BANK1: variants seen among roughly 807,000 people sequenced by gnomAD.
The protein encoded by BANK1 is B-cell scaffold protein with ankyrin repeats.
A neutral mutation model predicts 94.5 loss-of-function variants in BANK1; 95 were observed. That is an observed-to-expected ratio of 1.00 (90% CI 0.85 to 1.19). The LOEUF is 1.19. BANK1 is among the 50% of genes most tolerant of loss of function. The pLI is 0.00. For synonymous variants in BANK1, 334 were observed against 308.4 expected (o/e 1.08, Z -0.87); for missense variants, 987 against 932.2 (o/e 1.06, Z -0.77).
At chr4:101,978,499 C>T (rs1725213355) in intron 7 of BANK1, among the ~76,000 whole-genome samples, 1 of 152,024 alleles carries the variant, frequency 6.6e-6, no homozygotes, top group Admixed American at 6.6e-5. Context: ...AGGTAGTCCC[C>T]TATTCCAATT....
chr4:101,870,865 A>G (rs1194526238), intron 5 of BANK1, among the ~76,000 whole-genome samples: 1 of 152,038 alleles, frequency 6.6e-6, no homozygotes, highest in African/African-American at 2.4e-5. Context: ...AAAACAGCTT[A>G]TTCATTACAA....
intron 6 of BANK1, among the ~76,000 whole-genome samples, chr4:101,904,052 G>C (rs1368915194): frequency 6.6e-6 from 1 of 152,138 alleles, no homozygotes; most frequent in African/African-American, 2.4e-5. Flanking sequence ...GAAAATTATG[G>C]GACTGTTTAA....
intron 7 of BANK1, among the ~76,000 whole-genome samples, chr4:101,953,189 G>T (rs1246645329): frequency 1.3e-5 from 2 of 152,090 alleles, no homozygotes; most frequent in Non-Finnish European, 2.9e-5. Flanking sequence ...AGGTGATCGT[G>T]CTCTTTCATC....
chr4:101,890,631 A>G (rs1454412852), intron 5 of BANK1, among the ~76,000 whole-genome samples: 2 of 148,952 alleles, frequency 1.3e-5, no homozygotes, highest in African/African-American at 2.4e-5. Context: ...AAATTTTATA[A>G]TTATTATTAT....
At chr4:102,050,629 G>A (rs1728017666) in intron 11 of BANK1, among the ~76,000 whole-genome samples, 1 of 152,124 alleles carries the variant, frequency 6.6e-6, no homozygotes, top group African/African-American at 2.4e-5. Flanking sequence ...TTAAGACCAT[G>A]CTTCCTGAAA....
intron 3 of BANK1, among the ~76,000 whole-genome samples, chr4:101,857,933 A>T (rs1229913851): frequency 6.6e-6 from 1 of 152,058 alleles, no homozygotes; most frequent in Non-Finnish European, 1.5e-5. Context: ...TTTCTAGCAT[A>T]TGCCTCTTGG....
intron 7 of BANK1, among the ~76,000 whole-genome samples, chr4:101,956,074 A>G (rs1724325951): frequency 6.6e-6 from 1 of 152,208 alleles, no homozygotes; most frequent in African/African-American, 2.4e-5. Flanking sequence ...AGAAAATGCC[A>G]CTACCCTTTT....
At chr4:102,056,727 C>T (rs1728239040) in intron 11 of BANK1, among the ~76,000 whole-genome samples, 1 of 152,026 alleles carries the variant, frequency 6.6e-6, no homozygotes, top group South Asian at 2.1e-4. Context: ...CATCAAATAC[C>T]AGGTGTGGTG....
At chr4:102,063,664 A>G (rs1290781574) in intron 13 of BANK1, among the ~76,000 whole-genome samples, 2 of 151,820 alleles carry the variant, frequency 1.3e-5, no homozygotes, top group Non-Finnish European at 2.9e-5. Flanking sequence ...TCTACTAAAA[A>G]TATAAAAATT....
intron 7 of BANK1, among the ~76,000 whole-genome samples, chr4:102,007,988 A>G (rs1726361480): frequency 6.6e-6 from 1 of 152,182 alleles, no homozygotes; most frequent in Non-Finnish European, 1.5e-5. Context: ...TTTCATTTAT[A>G]GAGTAGAAGA....
chr4:101,941,370 G>C (rs1723736622), intron 7 of BANK1, among the ~76,000 whole-genome samples: 1 of 151,782 alleles, frequency 6.6e-6, no homozygotes, highest in Non-Finnish European at 1.5e-5. Context: ...GGGTGCTAGA[G>C]GTGCTCACTG....
chr4:101,854,762 G>A (rs1727618085), intron 2 of BANK1, among the ~76,000 whole-genome samples: 1 of 151,930 alleles, frequency 6.6e-6, no homozygotes, highest in Non-Finnish European at 1.5e-5. Flanking sequence ...AAATAGATAT[G>A]GTGACTGGAT....
chr4:102,063,065 C>A lies in BANK1; in HGVS notation c.2149-10C>A. 6.2e-7 allele frequency: 1 copy of A among 1,611,678 alleles called. No homozygotes were observed. The highest frequency in any genetic ancestry group is 1.3e-5 in the African/African-American group (1 of 74,950). On this transcript the variant is annotated splice_polypyrimidine_tract_variant and intron_variant, in intron 12 of 16. Coordinates refer to ENST00000322953, the MANE Select transcript of BANK1 (RefSeq NM_017935.5). ...AATCATAACTATGTCCTGGTTGTTT[C>A]CACATTAAGGAGAAATTACGACAAC...
At chr4:101,863,725 ACT>A in intron 4 of BANK1, among the ~76,000 whole-genome samples, 1 of 151,910 alleles carries the variant, frequency 6.6e-6, no homozygotes, top group East Asian at 1.9e-4. Context: ...AATGAGAAAA[ACT>A]CTGTCTCTTT....
At chr4:101,864,129 ACT>A (rs1174741481) in intron 4 of BANK1, among the ~76,000 whole-genome samples, 1 of 152,134 alleles carries the variant, frequency 6.6e-6, no homozygotes, top group Non-Finnish European at 1.5e-5. Context: ...TAAATAAACC[ACT>A]GTTTACCAAC....
intron 7 of BANK1, among the ~76,000 whole-genome samples, chr4:101,975,837 A>G (rs1292364186): frequency 6.6e-6 from 1 of 152,140 alleles, no homozygotes; most frequent in African/African-American, 2.4e-5. Context: ...ATAAATGAAT[A>G]TTCATATTGT....
chr4:101,835,233 A>T (rs962138890), intron 2 of BANK1, among the ~76,000 whole-genome samples: 1 of 152,230 alleles, frequency 6.6e-6, no homozygotes, highest in Non-Finnish European at 1.5e-5. Context: ...TTATAAAATC[A>T]ACTGCCGTTT....
At chr4:102,061,939 G>A (rs1728432649) in intron 12 of BANK1, 1 of 152,100 alleles carries the variant, frequency 6.6e-6, no homozygotes, top group Non-Finnish European at 1.5e-5. Context: ...TAATGACTTG[G>A]TCTGAATTCT....
intron 7 of BANK1, among the ~76,000 whole-genome samples, chr4:101,944,567 G>A (rs986347631): frequency 2.3e-4 from 35 of 151,830 alleles, no homozygotes; most frequent in African/African-American, 8.4e-4. Context: ...TGTTTTCATA[G>A]TTATTCAAGA....
Sources: allele counts gnomAD v4.1 joint callset (sites outside exome capture counted in the v4.1 genomes callset), GRCh38; gene constraint gnomAD v4.1.1; transcripts MANE v1.5; gene names NCBI Gene and HGNC (gene_info 2026-07-23, HGNC 2026-07-21).